Variants in RANBP2 observed in about 807,000 individuals in gnomAD.
RANBP2 encodes the protein RAN binding protein 2.
A neutral mutation model predicts 303.6 loss-of-function variants in RANBP2; 57 were observed. The observed-to-expected ratio is 0.19, with a 90% CI of 0.15 to 0.23. The LOEUF (loss-of-function observed/expected upper bound fraction) is 0.23, where lower values mean the gene tolerates loss of function less well. RANBP2 is among the 10% of genes least tolerant of loss of function. The pLI, the probability that RANBP2 is intolerant of heterozygous loss-of-function variation, is 1.00. For synonymous variants in RANBP2, 1,167 were observed against 1,301.5 expected (o/e 0.90, Z 2.23); for missense variants, 3,138 against 3,780.8 (o/e 0.83, Z 4.46).
At chr2:109,122,419 G>T in the RANBP2 span, among the ~76,000 whole-genome samples, 1 of 152,244 alleles carries the variant, frequency 6.6e-6, no homozygotes, top group Non-Finnish European at 1.5e-5. Context: ...AGGGGCAGGA[G>T]TGCTGTCATC....
chr2:109,286,287 A>T, the RANBP2 span, among the ~76,000 whole-genome samples: 32 of 152,296 alleles, frequency 2.1e-4, no homozygotes, highest in Admixed American at 2.6e-4. Context: ...ATGATGGAAA[A>T]GTGTGGTCAA....
the RANBP2 span, among the ~76,000 whole-genome samples, chr2:109,070,094 G>A: frequency 1.3e-5 from 2 of 152,192 alleles, no homozygotes; most frequent in African/African-American, 2.4e-5. Context: ...TGGGAAGACA[G>A]GCAGAGAGAC....
chr2:109,536,719 G>A, the RANBP2 span, among the ~76,000 whole-genome samples: 1 of 152,196 alleles, frequency 6.6e-6, no homozygotes, highest in African/African-American at 2.4e-5. Context: ...TGGTTTGGCT[G>A]TGTCCCCACT....
the RANBP2 span, among the ~76,000 whole-genome samples, chr2:109,173,475 C>G: frequency 6.6e-6 from 1 of 152,168 alleles, no homozygotes; most frequent in African/African-American, 2.4e-5. Context: ...CTGCCTTACC[C>G]ACAGGCAGAT....
At chr2:109,236,157 A>G in the RANBP2 span, among the ~76,000 whole-genome samples, 1 of 152,150 alleles carries the variant, frequency 6.6e-6, no homozygotes, top group Non-Finnish European at 1.5e-5. Context: ...CATTTTTAGA[A>G]CTCTTAATCA....
chr2:108,846,165 G>T, the RANBP2 span, among the ~76,000 whole-genome samples: 1 of 152,168 alleles, frequency 6.6e-6, no homozygotes, highest in African/African-American at 2.4e-5. Flanking sequence ...GGAGCAATCA[G>T]CAACTGAGAG....
chr2:109,207,361 G>A, the RANBP2 span, among the ~76,000 whole-genome samples: 1 of 152,110 alleles, frequency 6.6e-6, no homozygotes, highest in Admixed American at 6.5e-5. Flanking sequence ...CTTTGTCTCT[G>A]GGGGAGGGAA....
intron 4 of RANBP2, among the ~76,000 whole-genome samples, chr2:108,732,816 C>G (rs751796129): frequency 2.0e-5 from 3 of 152,082 alleles, no homozygotes; most frequent in Admixed American, 6.5e-5. Context: ...AAGTATGTGA[C>G]GTTTTTTTCT....
the RANBP2 span, among the ~76,000 whole-genome samples, chr2:109,734,337 A>G: frequency 6.6e-6 from 1 of 152,170 alleles, no homozygotes. Flanking sequence ...CAACACACAA[A>G]AACAAATTTT....
At chr2:109,393,996 G>A in the RANBP2 span, among the ~76,000 whole-genome samples, 7 of 152,054 alleles carry the variant, frequency 4.6e-5, no homozygotes, top group Non-Finnish European at 7.4e-5. Context: ...CCTCCCCACC[G>A]GAGTCAGGAG....
chr2:109,219,176 G>A, the RANBP2 span, among the ~76,000 whole-genome samples: 2 of 152,170 alleles, frequency 1.3e-5, no homozygotes, highest in South Asian at 2.1e-4. Context: ...AGGGGCTACC[G>A]CCTGGAGCAT....
chr2:108,942,231 A>T, the RANBP2 span, among the ~76,000 whole-genome samples: 3 of 152,250 alleles, frequency 2.0e-5, no homozygotes, highest in Non-Finnish European at 4.4e-5. Context: ...ACATGGAGTC[A>T]ATGGCGGCTC....
At chr2:109,264,022 C>G in the RANBP2 span, among the ~76,000 whole-genome samples, 6 of 152,306 alleles carry the variant, frequency 3.9e-5, no homozygotes, top group Admixed American at 3.9e-4. Flanking sequence ...TCAGGACACT[C>G]CAGAAGCCCT....
rs781744139 is a variant in RANBP2, at chr2:108,772,951, C to G, written c.8197C>G (p.Pro2733Ala). ...KAKADTLKLP[P>A]TFFCGVCSDT... The stretch of plus-strand genomic sequence containing the variant: ...AAAAGCAGATACGTTAAAACTTCCA[C>G]CTACATTTTTTTGTGGAGTCTGTAG... The change falls in exon 23 of 29, where the codon CCT becomes GCT. Residue 2733 changes from proline to alanine, a missense_variant. Coordinates refer to ENST00000283195, the MANE Select transcript of RANBP2 (RefSeq NM_006267.5). The G allele has an allele frequency of 6.2e-7, 1 of 1,613,904 alleles. No individual in the cohort carries two copies. Among genetic ancestry groups the G allele is most frequent in the South Asian group, 1.1e-5 (1 of 91,056 alleles).
intron 17 of RANBP2, among the ~76,000 whole-genome samples, chr2:108,755,872 C>T (rs1472116939): frequency 3.3e-5 from 5 of 152,076 alleles, no homozygotes; most frequent in African/African-American, 4.8e-5. Flanking sequence ...TACAGGCACC[C>T]GCCACCAGGC....
chr2:109,265,319 C>G, the RANBP2 span, among the ~76,000 whole-genome samples: 2 of 152,076 alleles, frequency 1.3e-5, no homozygotes, highest in Non-Finnish European at 2.9e-5. Flanking sequence ...GGGTGAGATG[C>G]GGAAAACAAG....
chr2:109,340,752 A>T, the RANBP2 span, among the ~76,000 whole-genome samples: 1 of 152,210 alleles, frequency 6.6e-6, no homozygotes, highest in Non-Finnish European at 1.5e-5. Flanking sequence ...GAAGCACGGA[A>T]GGGCAGATTT....
chr2:109,709,415 C>G, the RANBP2 span, among the ~76,000 whole-genome samples: 1 of 151,924 alleles, frequency 6.6e-6, no homozygotes, highest in Non-Finnish European at 1.5e-5. Flanking sequence ...CTGCCTGCTC[C>G]TGGGAAGCAA....
At chr2:109,223,840 T>C in the RANBP2 span, among the ~76,000 whole-genome samples, 1 of 152,180 alleles carries the variant, frequency 6.6e-6, no homozygotes, top group African/African-American at 2.4e-5. Context: ...TTAAAATCTG[T>C]CCACTTGGTA....
Sources: allele counts gnomAD v4.1 joint callset (sites outside exome capture counted in the v4.1 genomes callset), GRCh38; gene constraint gnomAD v4.1.1; transcripts MANE v1.5; gene names NCBI Gene and HGNC (gene_info 2026-07-23, HGNC 2026-07-21).